PPP2R2B: variants seen among roughly 807,000 people sequenced by gnomAD.
PPP2R2B encodes the protein serine/threonine-protein phosphatase 2A 55 kDa regulatory subunit B beta isoform.
A neutral mutation model predicts 46.0 loss-of-function variants in PPP2R2B; 5 were observed. That is an observed-to-expected ratio of 0.11 (90% CI 0.06 to 0.23). PPP2R2B has a LOEUF of 0.23. Among genes scored for constraint, PPP2R2B ranks in the 10% least tolerant of loss-of-function variants. The pLI is 1.00. For synonymous variants in PPP2R2B, 215 were observed against 206.7 expected, an observed-to-expected ratio of 1.04 and a Z score of -0.34; for missense variants, 367 against 575.0, an observed-to-expected ratio of 0.64 and a Z score of 3.70.
rs138521282 is a variant in PPP2R2B, at chr5:146,624,349, T to C, written c.790+13902A>G. ...GAACTCGCTCTATGGCACCTTCATC[T>C]AGGTGTGTGCTCAGGCCAAAAAGCT... On this transcript the variant is annotated intron_variant, in intron 7 of 9. Transcript: ENST00000394411. 3.2e-3 allele frequency among the ~76,000 whole-genome samples: 491 copies of C among 152,352 alleles called. 4 individuals are homozygous for C. The highest frequency in any genetic ancestry group is 0.011 in the African/African-American group (471 of 41,578).
chr5:147,070,942 A>C (rs1302041017), intron 2 of PPP2R2B, among the ~76,000 whole-genome samples: 1 of 152,112 alleles, frequency 6.6e-6, no homozygotes, highest in East Asian at 1.9e-4. Context: ...GTGGTCCGAG[A>C]TTATGCCACT....
At chr5:146,699,150 T>G (rs1422605191) in intron 3 of PPP2R2B, among the ~76,000 whole-genome samples, 1 of 152,166 alleles carries the variant, frequency 6.6e-6, no homozygotes, top group Non-Finnish European at 1.5e-5. Flanking sequence ...AATAAAAGGG[T>G]TAATTTCCAA....
intron 1 of PPP2R2B, among the ~76,000 whole-genome samples, chr5:147,049,299 A>G (rs745923277): frequency 1.6e-4 from 24 of 152,132 alleles, no homozygotes; most frequent in Non-Finnish European, 2.6e-4. Flanking sequence ...GATGGCTCCA[A>G]TGTTTTTGTC....
chr5:146,874,274 C>A (rs528267452), intron 2 of PPP2R2B, among the ~76,000 whole-genome samples: 57 of 152,292 alleles, frequency 3.7e-4, no homozygotes, highest in African/African-American at 1.3e-3. Context: ...TCCCGTATCA[C>A]CTCTGCAAAA....
At position 146,848,096 on chromosome 5, in the gene PPP2R2B, C is replaced by A. The variant is rs537470481; in HGVS notation, c.70+29906G>T. On this transcript the variant is annotated intron_variant, in intron 2 of 9. Coordinates refer to ENST00000394411, the MANE Select transcript of PPP2R2B (RefSeq NM_181675.4). ...TACCTGCGTTACAGTCGCCTACCAA[C>A]TTACTGGCTCCCCCTACTAGACTGT... Among the ~76,000 whole-genome samples, 6 of 152,254 alleles carry A rather than the reference C, an allele frequency of 3.9e-5. No individual in the cohort carries two copies. In the South Asian group the frequency reaches 1.2e-3, roughly 32 times the overall value.
At chr5:146,770,816 G>T (rs1053120856) in intron 2 of PPP2R2B, among the ~76,000 whole-genome samples, 2 of 152,142 alleles carry the variant, frequency 1.3e-5, no homozygotes, top group African/African-American at 4.8e-5. Flanking sequence ...GCCTTTGGGG[G>T]CCAAGAAATA....
chr5:147,006,973 G>C (rs904866624), intron 1 of PPP2R2B, among the ~76,000 whole-genome samples: 1 of 152,090 alleles, frequency 6.6e-6, no homozygotes. Flanking sequence ...CCCCTTTCTA[G>C]GTCCTGTGAC....
intron 2 of PPP2R2B, among the ~76,000 whole-genome samples, chr5:146,735,333 C>CA (rs1189186438): frequency 1.3e-5 from 2 of 151,968 alleles, no homozygotes; most frequent in African/African-American, 2.4e-5. Flanking sequence ...AAACCCCCCC[C>CA]ACAATCCTTC....
At chr5:146,635,977 A>G (rs908954511) in intron 7 of PPP2R2B, among the ~76,000 whole-genome samples, 5 of 152,212 alleles carry the variant, frequency 3.3e-5, no homozygotes, top group African/African-American at 1.2e-4. Context: ...TATAACACCC[A>G]TAGTTATTTT....
At chr5:146,902,293 A>G (rs960081028) in intron 1 of PPP2R2B, among the ~76,000 whole-genome samples, 1 of 152,094 alleles carries the variant, frequency 6.6e-6, no homozygotes, top group African/African-American at 2.4e-5. Context: ...TCATCTCAGC[A>G]TTGTTTTATT....
chr5:146,932,027 A>G (rs1302467846), intron 1 of PPP2R2B, among the ~76,000 whole-genome samples: 1 of 152,162 alleles, frequency 6.6e-6, no homozygotes, highest in Non-Finnish European at 1.5e-5. Flanking sequence ...ATTCTTCCTG[A>G]AACACCAGGA....
At position 146,988,170 on chromosome 5, in the gene PPP2R2B, T is replaced by C. The variant is rs546244860; in HGVS notation, c.79+67495A>G. Among the ~76,000 whole-genome samples, 18 of 151,970 alleles carry C rather than the reference T, an allele frequency of 1.2e-4. No homozygotes were observed. In the Middle Eastern group the frequency reaches 0.01, roughly 86 times the overall value. On this transcript the variant is annotated intron_variant, in intron 1 of 8. Coordinates refer to the PPP2R2B transcript ENST00000336640. ...GAAATTGACTGCAATACAATAATAGTAGGAGAGTTCAACACCCAACTTCAG... is the reference window on the plus strand; with the variant it reads ...GAAATTGACTGCAATACAATAATAGCAGGAGAGTTCAACACCCAACTTCAG...
At chr5:146,819,958 A>C (rs1758156217) in intron 2 of PPP2R2B, among the ~76,000 whole-genome samples, 2 of 152,226 alleles carry the variant, frequency 1.3e-5, no homozygotes, top group Non-Finnish European at 1.5e-5. Flanking sequence ...GATAAGTCAA[A>C]GCCAGGTACA....
In PPP2R2B at chr5:146,652,156, C is replaced by G. The variant is rs577877150; in HGVS notation, c.448-1432G>C. On this transcript the variant is annotated intron_variant, in intron 5 of 9. Transcript: ENST00000394411. ...GTGTGTGTGGCAGCGAATGGGAGAC[C>G]AGGGTTCTGATCAGATTCACCACTA... Among the ~76,000 whole-genome samples the G allele has an allele frequency of 9.2e-5, 14 of 152,226 alleles. 1 individual carries two copies. The South Asian group carries it at 2.7e-3, about 29-fold the overall frequency.
At chr5:147,059,637 T>G (rs1757198726), upstream of PPP2R2B, among the ~76,000 whole-genome samples, 1 of 152,152 alleles carries the variant, frequency 6.6e-6, no homozygotes, top group African/African-American at 2.4e-5. Context: ...GCCCCTTGAG[T>G]GTGGCAGAGC....
intron 5 of PPP2R2B, among the ~76,000 whole-genome samples, chr5:146,670,365 T>C (rs1777265456): frequency 6.6e-6 from 1 of 152,154 alleles, no homozygotes; most frequent in Non-Finnish European, 1.5e-5. Context: ...TTAGGTATCC[T>C]GATTTTTTTT....
Position 146,863,097 on chromosome 5 carries a change from A to T in PPP2R2B, c.70+14905T>A, listed in dbSNP as rs376166013. Among the ~76,000 whole-genome samples the T allele has an allele frequency of 2.6e-5, 4 of 151,268 alleles. No homozygotes were observed. In the East Asian group the frequency reaches 5.8e-4, roughly 22 times the overall value. The stretch of plus-strand genomic sequence containing the variant: ...CTGGTGGGTGCTTACCAAGTTTCTG[A>T]TCTCTGACCCCAGAAGGGGTCAGAG... On this transcript the variant is annotated intron_variant, in intron 2 of 9. Coordinates refer to ENST00000394411, the MANE Select transcript of PPP2R2B (RefSeq NM_181675.4).
chr5:146,804,945 A>G (rs900528139), intron 2 of PPP2R2B, among the ~76,000 whole-genome samples: 3 of 152,260 alleles, frequency 2.0e-5, no homozygotes, highest in African/African-American at 7.2e-5. Flanking sequence ...ATTTGAGGGG[A>G]ATATAATTTC....
At chr5:146,944,738 GC>G in intron 1 of PPP2R2B, among the ~76,000 whole-genome samples, 1 of 152,128 alleles carries the variant, frequency 6.6e-6, no homozygotes, top group South Asian at 2.1e-4. Context: ...TTGCTTCCCT[GC>G]CCTTCCTCCA....
Sources: allele counts gnomAD v4.1 joint callset (sites outside exome capture counted in the v4.1 genomes callset), GRCh38; gene constraint gnomAD v4.1.1; transcripts MANE v1.5; gene names NCBI Gene and HGNC (gene_info 2026-07-23, HGNC 2026-07-21).